The following NF1 variants were observed in gnomAD, a reference collection of about 807,000 sequenced individuals.
NF1 encodes the protein neurofibromin.
A neutral mutation model predicts 325.7 loss-of-function variants in NF1; 122 were observed. The ratio of observed to expected loss-of-function variants is 0.37; its 90% CI spans 0.32 to 0.44. The LOEUF (loss-of-function observed/expected upper bound fraction) is 0.44. NF1 is among the 20% of genes least tolerant of loss of function. NF1 has a pLI of 1.00. For missense variants in NF1, 2,140 were observed against 3,415.4 expected (o/e 0.63, Z 9.31); for synonymous variants, 1,091 against 1,186.0 (o/e 0.92, Z 1.65).
intron 14 of NF1, among the ~76,000 whole-genome samples, chr17:31,220,016 A>G (rs1014337454): frequency 2.6e-5 from 4 of 152,138 alleles, no homozygotes; most frequent in African/African-American, 4.8e-5. Context: ...TGCTATGAAC[A>G]TTTGTGTAAA....
chr17:31,203,150 C>T (rs1477779039), intron 11 of NF1, among the ~76,000 whole-genome samples: 2 of 152,264 alleles, frequency 1.3e-5, no homozygotes, highest in East Asian at 3.9e-4. Flanking sequence ...CTGAGCTGCT[C>T]CTTTCTGGGT....
intron 6 of NF1, 85 bp downstream of exon 6, chr17:31,181,574 C>CTTT: frequency 4.3e-6 from 6 of 1,381,376 alleles, no homozygotes; most frequent in Middle Eastern, 1.8e-4. Context: ...AAAGTTATGA[C>CTTT]TTGAGTGATA....
chr17:31,221,214 A>T (rs1358357391), intron 14 of NF1, among the ~76,000 whole-genome samples: 1 of 151,994 alleles, frequency 6.6e-6, no homozygotes, highest in African/African-American at 2.4e-5. Context: ...TTTATATAAT[A>T]ATCTATTTAT....
chr17:31,127,405 CTTTCTA>C (rs1914975717), intron 1 of NF1, among the ~76,000 whole-genome samples: 1 of 151,878 alleles, frequency 6.6e-6, no homozygotes. Context: ...CATAATATGA[CTTTCTA>C]TTTATTTTAT....
intron 36 of NF1, among the ~76,000 whole-genome samples, chr17:31,324,603 C>T (rs1253771732): frequency 2.0e-5 from 3 of 151,930 alleles, no homozygotes; most frequent in African/African-American, 7.3e-5. Context: ...TCACTGTTGC[C>T]CAGGCTGAAG....
intron 29 of NF1, among the ~76,000 whole-genome samples, chr17:31,248,430 G>A (rs2067437364): frequency 6.6e-6 from 1 of 152,132 alleles, no homozygotes; most frequent in Admixed American, 6.6e-5. Context: ...ACACGTGCAT[G>A]TGCAGCCTGA....
At chr17:31,217,294 G>T (rs1205589780) in intron 13 of NF1, among the ~76,000 whole-genome samples, 1 of 139,894 alleles carries the variant, frequency 7.1e-6, no homozygotes, top group Non-Finnish European at 1.5e-5. Flanking sequence ...GACACAAGTT[G>T]CATTGGCTTC....
intron 4 of NF1, 130 bp from the exon 5 acceptor site, chr17:31,169,761 G>C (rs2065901202): frequency 3.1e-6 from 2 of 654,750 alleles, no homozygotes; most frequent in Non-Finnish European, 5.5e-6. Flanking sequence ...GCCCAGGCTG[G>C]TCTTGAACTC....
chr17:31,340,064 GTCA>G (rs1323431664), intron 46 of NF1, among the ~76,000 whole-genome samples: 1 of 152,188 alleles, frequency 6.6e-6, no homozygotes, highest in Non-Finnish European at 1.5e-5. Context: ...AAGCAGACAA[GTCA>G]TACGATGAAA....
intron 39 of NF1, among the ~76,000 whole-genome samples, chr17:31,332,410 G>A (rs1313868105): frequency 6.6e-6 from 1 of 152,056 alleles, no homozygotes; most frequent in African/African-American, 2.4e-5. Context: ...GTTGCAGTGA[G>A]CCGAGATCAC....
chr17:31,111,008 A>G (rs1043287091), intron 1 of NF1, among the ~76,000 whole-genome samples: 5 of 152,194 alleles, frequency 3.3e-5, no homozygotes, highest in African/African-American at 1.2e-4. Context: ...AGGGCTTAGT[A>G]TAGTGCATGC....
At chr17:31,322,489 A>G in intron 36 of NF1, among the ~76,000 whole-genome samples, 2 of 122,980 alleles carry the variant, frequency 1.6e-5, no homozygotes, top group Non-Finnish European at 3.3e-5. Context: ...AAGACAGAGT[A>G]AGACTCTGTC....
At chr17:31,338,219 G>A (rs559774376) in intron 45 of NF1, 80 bp downstream of exon 45, 9 of 1,033,520 alleles carry the variant, frequency 8.7e-6, no homozygotes, top group South Asian at 3.8e-5. Flanking sequence ...TCTAAAAGAC[G>A]TTTAAATTTG....
intron 36 of NF1, chr17:31,305,531 T>C: frequency 6.2e-7 from 1 of 1,614,206 alleles, no homozygotes; most frequent in Non-Finnish European, 8.5e-7. Context: ...TTCTCTGTTG[T>C]AATTGTCTCT....
intron 39 of NF1, 58 bp from the exon 40 acceptor site, chr17:31,334,780 A>G: frequency 7.3e-7 from 1 of 1,360,998 alleles, no homozygotes; most frequent in East Asian, 2.3e-5. Context: ...TTTATGTTAA[A>G]TAATTGTTGA....
intron 11 of NF1, among the ~76,000 whole-genome samples, chr17:31,205,836 G>A (rs1218663358): frequency 1.3e-5 from 2 of 151,256 alleles, no homozygotes; most frequent in South Asian, 2.1e-4. Context: ...TTTGATAATA[G>A]CATTCTTACC....
At chr17:31,261,563 T>C in intron 34 of NF1, 148 bp from the exon 35 acceptor site, 1 of 760,420 alleles carries the variant, frequency 1.3e-6, no homozygotes. Flanking sequence ...TATTAATGGA[T>C]TGAAGTAGAC....
At chr17:31,157,132 A>G (rs922591627) in intron 2 of NF1, among the ~76,000 whole-genome samples, 2 of 152,128 alleles carry the variant, frequency 1.3e-5, no homozygotes, top group Non-Finnish European at 2.9e-5. Flanking sequence ...AATTACAGGC[A>G]TGTGCCACCA....
intron 36 of NF1, chr17:31,318,906 C>T: frequency 6.2e-7 from 1 of 1,613,944 alleles, no homozygotes; most frequent in Non-Finnish European, 8.5e-7. Flanking sequence ...TACTGTTAGC[C>T]CACAGACGGG....
Sources: gnomAD v4.1 joint callset for allele counts (sites outside exome capture counted in the v4.1 genomes callset) on GRCh38, gnomAD v4.1.1 for gene constraint, MANE v1.5 for transcripts, NCBI Gene and HGNC (gene_info 2026-07-23, HGNC 2026-07-21) for gene names.